Variants in ATG4C observed in about 807,000 individuals in gnomAD.
ATG4C encodes the protein autophagy related 4C cysteine peptidase.
Under a neutral mutation model 57.6 loss-of-function variants are expected in ATG4C, and 56 were observed. That is an observed-to-expected ratio of 0.97 (90% CI 0.78 to 1.21). ATG4C has a LOEUF of 1.21. Among genes scored for constraint, ATG4C ranks in the 50% most tolerant of loss-of-function variants. ATG4C has a pLI of 0.00. For synonymous variants in ATG4C, 157 were observed against 174.1 expected, an observed-to-expected ratio of 0.90 and a Z score of 0.78; for missense variants, 595 against 529.8, an observed-to-expected ratio of 1.12 and a Z score of -1.21.
intron 1 of ATG4C, among the ~76,000 whole-genome samples, chr1:62,793,031 C>T (rs1391060929): frequency 2.6e-5 from 4 of 151,676 alleles, no homozygotes; most frequent in East Asian, 2.0e-4. Flanking sequence ...GGACTACAGG[C>T]GCCTGCCACC....
intron 10 of ATG4C, among the ~76,000 whole-genome samples, chr1:62,857,535 A>G (rs1456915897): frequency 2.0e-5 from 3 of 152,188 alleles, no homozygotes; most frequent in Non-Finnish European, 4.4e-5. Context: ...TAAAGTACAC[A>G]ATAAATGTAA....
At chr1:62,834,561 T>C (rs1188383310) in intron 8 of ATG4C, among the ~76,000 whole-genome samples, 3 of 152,056 alleles carry the variant, frequency 2.0e-5, no homozygotes, top group Admixed American at 2.0e-4. Flanking sequence ...TAAATGACAG[T>C]CTCATCACTT....
intron 3 of ATG4C, among the ~76,000 whole-genome samples, chr1:62,813,850 A>T (rs1422321093): frequency 2.6e-5 from 4 of 152,224 alleles, no homozygotes; most frequent in Non-Finnish European, 5.9e-5. Flanking sequence ...GAAAAAGCTC[A>T]TTATCACTGG....
At chr1:62,818,973 G>A (rs753807936) in intron 4 of ATG4C, 32 bp from the exon 5 acceptor site, 3 of 1,448,896 alleles carry the variant, frequency 2.1e-6, no homozygotes, top group East Asian at 4.6e-5. Flanking sequence ...CTATTTAAAA[G>A]ATCTGAACAC....
intron 1 of ATG4C, among the ~76,000 whole-genome samples, chr1:62,801,405 TATTTC>T (rs1664657947): frequency 6.6e-6 from 1 of 152,184 alleles, no homozygotes; most frequent in African/African-American, 2.4e-5. Context: ...AGAGAACAGG[TATTTC>T]ATTGCCTTTG....
chr1:62,859,489 G>C (rs1353200399), intron 10 of ATG4C, among the ~76,000 whole-genome samples: 1 of 152,072 alleles, frequency 6.6e-6, no homozygotes, highest in Admixed American at 6.6e-5. Context: ...ATAAAAAATG[G>C]TGTACCTGTG....
chr1:62,826,578 C>T (rs1409112242), intron 6 of ATG4C, among the ~76,000 whole-genome samples: 1 of 150,814 alleles, frequency 6.6e-6, no homozygotes, highest in East Asian at 1.9e-4. Context: ...GTTCAAACCA[C>T]CATCATCTCT....
At chr1:62,858,762 A>T (rs989977536) in intron 10 of ATG4C, among the ~76,000 whole-genome samples, 1 of 152,196 alleles carries the variant, frequency 6.6e-6, no homozygotes, top group Non-Finnish European at 1.5e-5. Flanking sequence ...GGGCTAGAAG[A>T]AAGTATTTTT....
chr1:62,839,390 A>G (rs1026786973), intron 9 of ATG4C, among the ~76,000 whole-genome samples: 1 of 152,184 alleles, frequency 6.6e-6, no homozygotes, highest in Non-Finnish European at 1.5e-5. Context: ...TTAGTATAAT[A>G]TAGAATACCC....
chr1:62,807,064 A>G (rs1056711465), intron 3 of ATG4C, among the ~76,000 whole-genome samples: 5 of 152,216 alleles, frequency 3.3e-5, no homozygotes, highest in African/African-American at 1.2e-4. Flanking sequence ...AATTATTTTT[A>G]GTAATCATTT....
At chr1:62,842,358 A>T (rs1018651960) in intron 10 of ATG4C, among the ~76,000 whole-genome samples, 1 of 148,944 alleles carries the variant, frequency 6.7e-6, no homozygotes, top group Non-Finnish European at 1.5e-5. Context: ...CTGGAGTGCA[A>T]TGGCGCGATC....
In ATG4C at chr1:62,809,618, A is replaced by G. The variant is rs528600689; in HGVS notation, c.160+4363A>G. On this transcript the variant is annotated intron_variant, in intron 3 of 10. Transcript: ENST00000317868. ...TAATTTATATAATTATATATTTTAT[A>G]TATAATGTATCTATATATACATATA... is the stretch of plus-strand genomic sequence containing the variant. Among the ~76,000 whole-genome samples, 535 of 147,194 alleles carry G rather than the reference A, an allele frequency of 3.6e-3. 3 individuals carry two copies. The highest frequency in any genetic ancestry group is 0.013 in the African/African-American group (518 of 40,668).
chr1:62,829,316 AT>A (rs1355393251), intron 7 of ATG4C, 140 bp downstream of exon 7: 1 of 983,966 alleles, frequency 1.0e-6, no homozygotes, highest in Non-Finnish European at 1.5e-6. Flanking sequence ...GACATTAGAG[AT>A]TTTAAATTTT....
intron 1 of ATG4C, among the ~76,000 whole-genome samples, chr1:62,800,674 TA>T (rs975118382): frequency 7.2e-5 from 11 of 151,764 alleles, no homozygotes; most frequent in South Asian, 2.1e-4. Context: ...TAGTGTCAGT[TA>T]AAAAAAAATT....
chr1:62,815,526 G>C (rs1401178802), intron 3 of ATG4C, among the ~76,000 whole-genome samples: 8 of 152,106 alleles, frequency 5.3e-5, no homozygotes, highest in Admixed American at 3.9e-4. Context: ...ATCCTTCAAA[G>C]AAGGTATCAT....
rs1002698719 is a variant in ATG4C, at chr1:62,797,976, C to T, written c.-68-5743C>T. Among the ~76,000 whole-genome samples, 3 of 152,106 alleles carry T rather than the reference C, an allele frequency of 2.0e-5. No homozygotes were observed. In the South Asian group the frequency reaches 6.2e-4, roughly 32 times the overall value. On this transcript the variant is annotated intron_variant, in intron 1 of 10. Transcript: ENST00000317868. ...CTGAGATTACAGGCGCGTGCCACCA[C>T]ACCTGGCTAATTTTTTTGTATTTTT...
chr1:62,793,596 C>T (rs1367160891), intron 1 of ATG4C, among the ~76,000 whole-genome samples: 116 of 30,688 alleles, frequency 3.8e-3, no homozygotes, highest in African/African-American at 0.012. Flanking sequence ...GACCTTGTCT[C>T]GAAAAAAAAA....
intron 1 of ATG4C, among the ~76,000 whole-genome samples, chr1:62,788,961 A>G (rs1034301208): frequency 1.3e-5 from 2 of 151,628 alleles, no homozygotes; most frequent in Non-Finnish European, 2.9e-5. Context: ...TTATTCCATT[A>G]TTGGTGATTA....
chr1:62,820,887 A>G (rs1665459648), intron 5 of ATG4C, among the ~76,000 whole-genome samples: 1 of 151,928 alleles, frequency 6.6e-6, no homozygotes, highest in African/African-American at 2.4e-5. Flanking sequence ...AGAGCTTTAT[A>G]CCCAATAATT....
Sources: gnomAD v4.1 joint callset for allele counts (sites outside exome capture counted in the v4.1 genomes callset) on GRCh38, gnomAD v4.1.1 for gene constraint, MANE v1.5 for transcripts, NCBI Gene and HGNC (gene_info 2026-07-23, HGNC 2026-07-21) for gene names.